The following ERC2 variants were observed in gnomAD, a reference collection of about 807,000 sequenced individuals.
ERC2 encodes ERC protein 2.
A neutral mutation model predicts 114.8 loss-of-function variants in ERC2; 42 were observed. The ratio of observed to expected loss-of-function variants is 0.37; its 90% CI spans 0.29 to 0.47. The LOEUF is 0.47. Ranked by LOEUF, ERC2 falls within the 20% of genes least tolerant of loss-of-function variation. The probability of loss-of-function intolerance (pLI) is 0.99; values close to 1 mark genes in which losing one functional copy is unlikely to be tolerated. For missense variants in ERC2, 939 were observed against 1,150.7 expected (o/e 0.82, Z 2.66); for synonymous variants, 454 against 425.5 (o/e 1.07, Z -0.82).
Position 55,619,273 on chromosome 3 carries a change from T to G in ERC2, c.*39+64521A>C, listed in dbSNP as rs1487356041. On this transcript the variant is annotated intron_variant, in intron 17 of 17. Coordinates refer to ENST00000288221, the MANE Select transcript of ERC2 (RefSeq NM_015576.3). ...TCTGAAGAAATCCGAAGGAATTTCT[T>G]TAGAAAAGAATTCTGTTAACACCAA... Among the ~76,000 whole-genome samples the G allele has an allele frequency of 5.3e-5, 8 of 152,324 alleles. 2 individuals carry two copies. Among genetic ancestry groups the G allele is most frequent in the Non-Finnish European group, 1.2e-4 (8 of 68,020 alleles).
At chr3:56,332,594 G>A (rs2057676011) in intron 2 of ERC2, among the ~76,000 whole-genome samples, 1 of 152,214 alleles carries the variant, frequency 6.6e-6, no homozygotes, top group African/African-American at 2.4e-5. Flanking sequence ...ATATGGGAGT[G>A]GGACACAATA....
At chr3:56,118,944 A>G (rs1280607234) in intron 6 of ERC2, among the ~76,000 whole-genome samples, 1 of 152,144 alleles carries the variant, frequency 6.6e-6, no homozygotes, top group Non-Finnish European at 1.5e-5. Context: ...CCACAGTAAT[A>G]TTCTTAAGCA....
chr3:55,835,728 G>T (rs561762806), intron 14 of ERC2, among the ~76,000 whole-genome samples: 2 of 152,156 alleles, frequency 1.3e-5, no homozygotes, highest in Non-Finnish European at 2.9e-5. Flanking sequence ...CTCCTATTCA[G>T]TATAGTGTTG....
At chr3:56,012,911 T>C (rs1289829449) in intron 8 of ERC2, among the ~76,000 whole-genome samples, 1 of 152,216 alleles carries the variant, frequency 6.6e-6, no homozygotes, top group Non-Finnish European at 1.5e-5. Flanking sequence ...TTGGCAAGCA[T>C]TCCTTGTGCA....
chr3:56,261,494 C>T (rs371088319), intron 3 of ERC2, among the ~76,000 whole-genome samples: 2 of 152,124 alleles, frequency 1.3e-5, no homozygotes, highest in African/African-American at 4.8e-5. Context: ...CTCTCCTACA[C>T]CCCAGCCATT....
In ERC2 at chr3:55,934,708, T is replaced by C. The variant is rs183573616; in HGVS notation, c.2403+15717A>G. 1.2e-4 allele frequency among the ~76,000 whole-genome samples: 19 copies of C among 152,284 alleles called. No individual in the cohort carries two copies. In the East Asian group the frequency reaches 3.1e-3, roughly 25 times the overall value. On this transcript the variant is annotated intron_variant, in intron 13 of 17. Coordinates refer to ENST00000288221, the MANE Select transcript of ERC2 (RefSeq NM_015576.3). ...AAAAATTGGGAAGAACTCAGGAAATTTCTGGATAATTTAGGCCTTTAAGGA... is the reference window on the plus strand; with the variant it reads ...AAAAATTGGGAAGAACTCAGGAAATCTCTGGATAATTTAGGCCTTTAAGGA...
At chr3:56,340,521 TGAGAGA>T (rs148284942) in intron 2 of ERC2, among the ~76,000 whole-genome samples, 20 of 140,196 alleles carry the variant, frequency 1.4e-4, no homozygotes, top group African/African-American at 5.0e-4. Context: ...TGTTTGTGTG[TGAGAGA>T]GAGAGAGAGA....
rs2051914473 is a variant in ERC2, at chr3:55,508,853, A to T, written c.*2463T>A. 1 of 152,646 alleles carries T rather than the reference A, an allele frequency of 6.6e-6. No individual in the cohort carries two copies. Among genetic ancestry groups the T allele is most frequent in the Admixed American group, 6.5e-5 (1 of 15,276 alleles). The allele number at this position is 152,646 out of a possible 1,614,324, so 9.5% of individuals were successfully genotyped here. ...TAAAGCACAAGCCTGCTTTTGCACA[A>T]AGTAAGACCAACTTCTCCTAAATGT... On this transcript the variant is annotated 3_prime_UTR_variant, in exon 18 of 18. Coordinates refer to ENST00000288221, the MANE Select transcript of ERC2 (RefSeq NM_015576.3).
chr3:56,090,473 G>T (rs9827123), intron 6 of ERC2, among the ~76,000 whole-genome samples: 1,995 of 152,150 alleles, frequency 0.013, 34 homozygotes, highest in African/African-American at 0.03. Context: ...TGAAACATAC[G>T]GTTGTAAGGT....
intron 14 of ERC2, among the ~76,000 whole-genome samples, chr3:55,846,693 T>TTC (rs34647203): frequency 0.081 from 11,600 of 142,504 alleles, 555 homozygotes; most frequent in South Asian, 0.14. Flanking sequence ...CTCTCTCTCT[T>TTC]TCTCTCTCTC....
At chr3:56,051,819 C>T (rs1221813844) in intron 7 of ERC2, among the ~76,000 whole-genome samples, 3 of 126,558 alleles carry the variant, frequency 2.4e-5, no homozygotes, top group Non-Finnish European at 4.9e-5. Flanking sequence ...AGTGAGACTC[C>T]ATCTCAAACA....
chr3:56,393,421 C>T (rs2060197293), intron 2 of ERC2, among the ~76,000 whole-genome samples: 1 of 152,026 alleles, frequency 6.6e-6, no homozygotes, highest in African/African-American at 2.4e-5. Flanking sequence ...AATGAAATGT[C>T]ATTACCTTAG....
intron 6 of ERC2, among the ~76,000 whole-genome samples, chr3:56,122,246 T>C (rs2079618373): frequency 6.6e-6 from 1 of 152,154 alleles, no homozygotes; most frequent in Admixed American, 6.5e-5. Context: ...AGGCAAATTA[T>C]TGTATTTCGT....
intron 17 of ERC2, among the ~76,000 whole-genome samples, chr3:55,651,759 G>C (rs564314923): frequency 3.9e-5 from 6 of 152,188 alleles, no homozygotes; most frequent in African/African-American, 1.4e-4. Flanking sequence ...CAGAGAAACA[G>C]GGGATCATCC....
intron 13 of ERC2, among the ~76,000 whole-genome samples, chr3:55,943,687 A>G (rs558791328): frequency 6.6e-6 from 1 of 152,320 alleles, no homozygotes; most frequent in South Asian, 2.1e-4. Flanking sequence ...AGATCACCCC[A>G]CGAAAGCATT....
chr3:56,138,966 G>T (rs1021701003), intron 6 of ERC2, among the ~76,000 whole-genome samples: 15 of 152,260 alleles, frequency 9.9e-5, no homozygotes, highest in Admixed American at 9.8e-4. Flanking sequence ...ATGGGTAAAA[G>T]AAATTGAAGA....
At chr3:56,016,572 A>C (rs1030285758) in intron 8 of ERC2, among the ~76,000 whole-genome samples, 7 of 152,124 alleles carry the variant, frequency 4.6e-5, no homozygotes, top group Admixed American at 4.6e-4. Flanking sequence ...TAAAGTGCAG[A>C]TTCCCAGGCC....
At chr3:55,588,151 C>T (rs979276726) in intron 17 of ERC2, among the ~76,000 whole-genome samples, 1 of 152,132 alleles carries the variant, frequency 6.6e-6, no homozygotes, top group Non-Finnish European at 1.5e-5. Context: ...ACATCAGGGT[C>T]GTTTCCTGGT....
chr3:55,620,573 T>C (rs1251621956), intron 17 of ERC2, among the ~76,000 whole-genome samples: 3 of 152,182 alleles, frequency 2.0e-5, no homozygotes, highest in African/African-American at 7.2e-5. Context: ...CTGTGCCCCA[T>C]AATCTAAAAC....
Sources: allele counts gnomAD v4.1 joint callset (sites outside exome capture counted in the v4.1 genomes callset), GRCh38; gene constraint gnomAD v4.1.1; transcripts MANE v1.5; gene names NCBI Gene and HGNC (gene_info 2026-07-23, HGNC 2026-07-21).